The following DOCK8 variants were observed in gnomAD, a reference collection of about 807,000 sequenced individuals.
The protein encoded by DOCK8 is dedicator of cytokinesis 8.
In DOCK8, 141 loss-of-function variants were observed where a neutral mutation model predicts 245.6. That is an observed-to-expected ratio of 0.57 (90% CI 0.50 to 0.66). DOCK8 has a LOEUF of 0.66. Among genes scored for constraint, DOCK8 ranks in the 30% least tolerant of loss-of-function variants. The pLI, the probability that DOCK8 is intolerant of heterozygous loss-of-function variation, is 0.00. For missense variants in DOCK8, 2,965 were observed against 2,603.4 expected, an observed-to-expected ratio of 1.14 and a Z score of -3.02; for synonymous variants, 1,168 against 970.2, an observed-to-expected ratio of 1.20 and a Z score of -3.79.
At chr9:437,319 C>G (rs924259993) in intron 39 of DOCK8, among the ~76,000 whole-genome samples, 2 of 152,202 alleles carry the variant, frequency 1.3e-5, no homozygotes, top group African/African-American at 2.4e-5. Context: ...GCTTCCCACA[C>G]CACAGTTTAG....
intron 43 of DOCK8, among the ~76,000 whole-genome samples, chr9:444,152 G>C (rs973787047): frequency 2.9e-4 from 44 of 151,910 alleles, no homozygotes; most frequent in African/African-American, 1.0e-3. Context: ...GTACAGTTCT[G>C]ATGCTAACAC....
chr9:370,389 T>A (rs1037196341), intron 16 of DOCK8, 89 bp downstream of exon 16: 7 of 1,161,054 alleles, frequency 6.0e-6, no homozygotes, highest in Admixed American at 3.5e-5. Context: ...TCCTCCTAAC[T>A]ATTTTTATAA....
At chr9:256,798 G>A (rs910347608) in intron 1 of DOCK8, among the ~76,000 whole-genome samples, 2 of 149,580 alleles carry the variant, frequency 1.3e-5, no homozygotes, top group South Asian at 4.1e-4. Flanking sequence ...CAGAATAGAA[G>A]CTTCATGAGG....
intron 14 of DOCK8, among the ~76,000 whole-genome samples, chr9:347,522 ACT>A (rs2051954547): frequency 6.6e-6 from 1 of 151,784 alleles, no homozygotes; most frequent in African/African-American, 2.4e-5. Flanking sequence ...AAAACAAAAA[ACT>A]CTGTCCTAAG....
intron 7 of DOCK8, among the ~76,000 whole-genome samples, chr9:322,945 T>C (rs543338770): frequency 1.3e-5 from 2 of 151,832 alleles, no homozygotes; most frequent in African/African-American, 4.8e-5. Flanking sequence ...ATACAAAAAT[T>C]AGCTGGGTGT....
chr9:454,028 C>T lies in DOCK8; in HGVS notation c.6068+1911C>T, dbSNP rs957525378. Among the ~76,000 whole-genome samples, 7 of 152,272 alleles carry T rather than the reference C, an allele frequency of 4.6e-5. No individual in the cohort carries two copies. The South Asian group carries it at 1.0e-3, about 23-fold the overall frequency. On this transcript the variant is annotated intron_variant, in intron 46 of 47. Coordinates refer to ENST00000432829, the MANE Select transcript of DOCK8 (RefSeq NM_203447.4). ...CCCTGCATGGCTGAATAATAGAATGCAGCATATGCACAGAACTTTAAGAAT... is the reference window on the plus strand; with the variant it reads ...CCCTGCATGGCTGAATAATAGAATGTAGCATATGCACAGAACTTTAAGAAT...
intron 1 of DOCK8, among the ~76,000 whole-genome samples, chr9:227,109 A>T (rs1335190538): frequency 4.6e-5 from 7 of 152,188 alleles, no homozygotes; most frequent in Non-Finnish European, 4.4e-5. Flanking sequence ...TGGGACATGC[A>T]TGTATGAGTG....
At chr9:263,174 T>C (rs765507920) in intron 1 of DOCK8, among the ~76,000 whole-genome samples, 1 of 151,788 alleles carries the variant, frequency 6.6e-6, no homozygotes, top group Non-Finnish European at 1.5e-5. Context: ...ACCACTGCAC[T>C]TCAACCTGGG....
intron 45 of DOCK8, among the ~76,000 whole-genome samples, chr9:451,806 A>G (rs1352056908): frequency 4.6e-5 from 7 of 150,970 alleles, no homozygotes; most frequent in African/African-American, 1.5e-4. Flanking sequence ...AGTCACTCCA[A>G]TATTTTCTCC....
At chr9:369,855 G>T (rs997382483) in intron 15 of DOCK8, 3 of 272,772 alleles carry the variant, frequency 1.1e-5, no homozygotes, top group Non-Finnish European at 2.2e-5. Flanking sequence ...AGGCTGGGGT[G>T]CAATGGTGCA....
At chr9:462,534 C>T (rs1209809908) in intron 46 of DOCK8, among the ~76,000 whole-genome samples, 1 of 152,226 alleles carries the variant, frequency 6.6e-6, no homozygotes, top group Non-Finnish European at 1.5e-5. Flanking sequence ...TTTGCCCTGG[C>T]CAAGGCCACA....
rs941189606 is a variant in DOCK8, at chr9:286,386, A to T, written c.157-75A>T. 13 of 1,528,264 alleles carry T rather than the reference A, an allele frequency of 8.5e-6. No individual in the cohort carries two copies. In the African/African-American group the frequency reaches 1.8e-4, roughly 21 times the overall value. The allele number at this position is 1,528,264 out of a possible 1,614,324, so 94.7% of individuals were successfully genotyped here. On this transcript the variant is annotated intron_variant, in intron 2 of 47. Transcript: ENST00000432829. ...ACTAAGTCAAAGGAAAGCAAGGCAA[A>T]CATCTACTATTGCCTTTGTGCTTTT... is the stretch of plus-strand genomic sequence containing the variant.
intron 26 of DOCK8, among the ~76,000 whole-genome samples, chr9:400,952 ACC>A (rs2055021017): frequency 1.5e-5 from 1 of 67,440 alleles, no homozygotes; most frequent in African/African-American, 4.3e-5. Context: ...CACCATCACC[ACC>A]ACCACCACCA....
At chr9:463,317 C>T (rs917508681) in intron 46 of DOCK8, among the ~76,000 whole-genome samples, 200 bp from the exon 47 acceptor site, 2 of 152,032 alleles carry the variant, frequency 1.3e-5, no homozygotes, top group Admixed American at 6.6e-5. Context: ...GGTGCTACCC[C>T]TCAGCAGTTA....
intron 1 of DOCK8, among the ~76,000 whole-genome samples, chr9:262,933 A>G (rs533779): frequency 0.48 from 72,507 of 151,534 alleles, 17,871 homozygotes; most frequent in East Asian, 0.78. Context: ...TAGGCAGGGC[A>G]CGGTGGCTCC....
intron 14 of DOCK8, among the ~76,000 whole-genome samples, chr9:341,400 C>A (rs1233085659): frequency 2.6e-5 from 4 of 152,176 alleles, no homozygotes; most frequent in African/African-American, 9.7e-5. Context: ...GAGACTATTT[C>A]CTTTAATGCA....
chr9:230,993 T>A (rs1214749893), intron 1 of DOCK8, among the ~76,000 whole-genome samples: 3 of 152,152 alleles, frequency 2.0e-5, no homozygotes, highest in Non-Finnish European at 4.4e-5. Context: ...ATGTCCTGAA[T>A]GGTATTGCCT....
At chr9:400,482 T>C (rs201552192) in intron 26 of DOCK8, among the ~76,000 whole-genome samples, 1 of 1,442 alleles carries the variant, frequency 6.9e-4, no homozygotes, top group Non-Finnish European at 1.0e-3. Flanking sequence ...CCCACCTCCT[T>C]CACCATCACC....
chr9:257,332 C>T (rs984692179), intron 1 of DOCK8, among the ~76,000 whole-genome samples: 1 of 152,016 alleles, frequency 6.6e-6, no homozygotes, highest in Non-Finnish European at 1.5e-5. Flanking sequence ...AGATAGTCAG[C>T]GTTAGTTAGA....
Sources: gnomAD v4.1 joint callset for allele counts (sites outside exome capture counted in the v4.1 genomes callset) on GRCh38, gnomAD v4.1.1 for gene constraint, MANE v1.5 for transcripts, NCBI Gene and HGNC (gene_info 2026-07-23, HGNC 2026-07-21) for gene names.